Variants in CSMD1 observed in about 807,000 individuals in gnomAD.
CSMD1 encodes CUB and Sushi multiple domains 1, also known as CUB and sushi domain-containing protein 1.
Under a neutral mutation model 417.5 loss-of-function variants are expected in CSMD1, and 213 were observed. The ratio of observed to expected loss-of-function variants is 0.51; its 90% CI spans 0.46 to 0.57. The LOEUF (loss-of-function observed/expected upper bound fraction) is 0.57, where lower values mean the gene tolerates loss of function less well. Among genes scored for constraint, CSMD1 ranks in the 20% least tolerant of loss-of-function variants. CSMD1 has a pLI of 0.00. For missense variants in CSMD1, 6,923 were observed against 4,529.7 expected (o/e 1.53, Z -15.17); for synonymous variants, 2,862 against 1,736.8 (o/e 1.65, Z -16.11).
chr8:4,766,448 C>G (rs1585065477), intron 1 of CSMD1, among the ~76,000 whole-genome samples: 1 of 152,154 alleles, frequency 6.6e-6, no homozygotes, highest in African/African-American at 2.4e-5. Flanking sequence ...ATACAGAAGG[C>G]TAACGTGCTT....
At chr8:3,966,841 G>C (rs181127425) in intron 5 of CSMD1, among the ~76,000 whole-genome samples, 1 of 152,252 alleles carries the variant, frequency 6.6e-6, no homozygotes, top group East Asian at 1.9e-4. Context: ...ATTCTGTACA[G>C]ACACTAAGCT....
At chr8:3,691,557 G>C (rs1387397289) in intron 7 of CSMD1, among the ~76,000 whole-genome samples, 1 of 152,140 alleles carries the variant, frequency 6.6e-6, no homozygotes, top group East Asian at 1.9e-4. Flanking sequence ...ATGAATAATT[G>C]TATTTACACA....
intron 5 of CSMD1, among the ~76,000 whole-genome samples, chr8:3,952,768 A>G (rs537204702): frequency 3.9e-5 from 6 of 152,350 alleles, no homozygotes; most frequent in East Asian, 3.9e-4. Context: ...TTTCACTTCA[A>G]TAAAAACAAA....
chr8:3,397,245 C>T (rs925662809), intron 16 of CSMD1, among the ~76,000 whole-genome samples: 1 of 152,160 alleles, frequency 6.6e-6, no homozygotes, highest in Non-Finnish European at 1.5e-5. Context: ...CACTCAGTCA[C>T]TTTGAGCCAA....
intron 5 of CSMD1, among the ~76,000 whole-genome samples, chr8:3,906,067 C>G (rs919236451): frequency 6.6e-6 from 1 of 152,160 alleles, no homozygotes; most frequent in Non-Finnish European, 1.5e-5. Context: ...AAGAGACTCA[C>G]AGACATGCTC....
chr8:4,025,397 A>C lies in CSMD1; in HGVS notation c.610+6508T>G, dbSNP rs150765612. Among the ~76,000 whole-genome samples, 92 of 152,338 alleles carry C rather than the reference A, an allele frequency of 6.0e-4. 1 individual carries two copies. Among genetic ancestry groups the C allele is most frequent in the African/African-American group, 2.1e-3 (89 of 41,584 alleles). On this transcript the variant is annotated intron_variant, in intron 4 of 69. Transcript: ENST00000635120. ...GACCCTAGATCTCAAAGTAATTTAT[A>C]ATCTATCCTAGGCTGTACCATTATT...
At chr8:3,686,221 C>G (rs558731451) in intron 7 of CSMD1, among the ~76,000 whole-genome samples, 1 of 152,162 alleles carries the variant, frequency 6.6e-6, no homozygotes, top group Non-Finnish European at 1.5e-5. Context: ...GGGTCACCCC[C>G]TTGAGTTACT....
chr8:4,673,557 G>C (rs985656953), intron 1 of CSMD1, among the ~76,000 whole-genome samples: 1 of 152,110 alleles, frequency 6.6e-6, no homozygotes, highest in Admixed American at 6.6e-5. Context: ...TTAATATCTA[G>C]CACCTACTTT....
At chr8:4,633,226 G>C (rs1802630362) in intron 2 of CSMD1, among the ~76,000 whole-genome samples, 1 of 151,806 alleles carries the variant, frequency 6.6e-6, no homozygotes, top group African/African-American at 2.4e-5. Context: ...TTAATGGAAA[G>C]GTGTTTTTTT....
intron 2 of CSMD1, among the ~76,000 whole-genome samples, chr8:4,601,091 G>C (rs898518137): frequency 1.3e-5 from 2 of 151,926 alleles, no homozygotes; most frequent in Admixed American, 1.3e-4. Context: ...CAAGTAGCTG[G>C]GATTACAGGC....
At chr8:3,805,776 T>C (rs950353624) in intron 5 of CSMD1, among the ~76,000 whole-genome samples, 2 of 152,142 alleles carry the variant, frequency 1.3e-5, no homozygotes, top group African/African-American at 4.8e-5. Context: ...CCTACCCCAG[T>C]CTTTGTGAGT....
At chr8:4,706,773 A>G (rs1334844265) in intron 1 of CSMD1, among the ~76,000 whole-genome samples, 1 of 152,216 alleles carries the variant, frequency 6.6e-6, no homozygotes, top group African/African-American at 2.4e-5. Context: ...CTCAGAGGCA[A>G]CAGAAGACGC....
chr8:4,772,262 T>C (rs1796640210), intron 1 of CSMD1, among the ~76,000 whole-genome samples: 1 of 152,162 alleles, frequency 6.6e-6, no homozygotes, highest in Admixed American at 6.5e-5. Context: ...ATCCTAAAAG[T>C]CAGCAACAGT....
At chr8:4,173,044 A>C (rs1264550641) in intron 3 of CSMD1, among the ~76,000 whole-genome samples, 1 of 152,186 alleles carries the variant, frequency 6.6e-6, no homozygotes, top group African/African-American at 2.4e-5. Flanking sequence ...ATATTGCAAG[A>C]AATTTCCTGC....
At chr8:4,297,835 C>G (rs1239315558) in intron 3 of CSMD1, among the ~76,000 whole-genome samples, 1 of 152,046 alleles carries the variant, frequency 6.6e-6, no homozygotes, top group Non-Finnish European at 1.5e-5. Flanking sequence ...TCTGAATATG[C>G]CATTATATAA....
At chr8:4,132,286 T>G (rs1803157969) in intron 3 of CSMD1, among the ~76,000 whole-genome samples, 1 of 151,818 alleles carries the variant, frequency 6.6e-6, no homozygotes, top group Admixed American at 6.6e-5. Context: ...AAGGTGATGT[T>G]TATTCTCTGA....
intron 2 of CSMD1, among the ~76,000 whole-genome samples, chr8:4,505,721 G>A (rs993879178): frequency 5.9e-5 from 9 of 152,088 alleles, no homozygotes; most frequent in Admixed American, 3.3e-4. Flanking sequence ...TGCCAATGAA[G>A]CCTTTGGACA....
intron 3 of CSMD1, among the ~76,000 whole-genome samples, chr8:4,186,573 G>C (rs556239090): frequency 6.6e-6 from 1 of 152,216 alleles, no homozygotes; most frequent in African/African-American, 2.4e-5. Context: ...TAATAGGAAG[G>C]GTCTCAGCAT....
intron 1 of CSMD1, among the ~76,000 whole-genome samples, chr8:4,706,616 G>C (rs897339010): frequency 2.0e-5 from 3 of 152,208 alleles, no homozygotes; most frequent in African/African-American, 4.8e-5. Context: ...TGTCTAGTTA[G>C]TATAAACAGT....
Sources: gnomAD v4.1 joint callset for allele counts (sites outside exome capture counted in the v4.1 genomes callset) on GRCh38, gnomAD v4.1.1 for gene constraint, MANE v1.5 for transcripts, NCBI Gene and HGNC (gene_info 2026-07-23, HGNC 2026-07-21) for gene names.